Variants in SUGP1 observed in about 807,000 individuals in gnomAD.
SUGP1 encodes SURP and G-patch domain-containing protein 1.
In SUGP1, 34 loss-of-function variants were observed where a neutral mutation model predicts 76.5. The ratio of observed to expected loss-of-function variants is 0.44; its 90% CI spans 0.34 to 0.59. The LOEUF (loss-of-function observed/expected upper bound fraction) is 0.59. Ranked by LOEUF, SUGP1 falls within the 20% of genes least tolerant of loss-of-function variation. The pLI is 0.01. For synonymous variants in SUGP1, 326 were observed against 326.2 expected (o/e 1.00, Z 0.01); for missense variants, 752 against 851.7 (o/e 0.88, Z 1.46).
chr19:19,290,656 C>CA (rs1355247286), intron 8 of SUGP1, among the ~76,000 whole-genome samples: 2 of 150,952 alleles, frequency 1.3e-5, no homozygotes, highest in East Asian at 1.9e-4. Context: ...AGGGAAAAAA[C>CA]AAAAAACAAA....
chr19:19,279,541 T>C, intron 9 of SUGP1, 151 bp from the exon 10 acceptor site: 2 of 799,176 alleles, frequency 2.5e-6, no homozygotes, highest in Non-Finnish European at 3.9e-6. Context: ...CTCTAGCAAG[T>C]ACTGAGTACT....
intron 4 of SUGP1, among the ~76,000 whole-genome samples, chr19:19,305,220 C>T (rs1414163438): frequency 6.6e-6 from 1 of 152,186 alleles, no homozygotes; most frequent in East Asian, 1.9e-4. Flanking sequence ...GTGATGTGAC[C>T]TCACCGGCTA....
chr19:19,276,523 G>T lies in SUGP1; in HGVS notation c.*125C>A. On this transcript the variant is annotated 3_prime_UTR_variant, in exon 14 of 14. Transcript: ENST00000247001. ...AGGACCAGGCATCTGTGGTGGATGA[G>T]CACTGGGACTTTATTACACGGCACG... is the stretch of plus-strand genomic sequence containing the variant. 8.6e-7 allele frequency: 1 copy of T among 1,160,282 alleles called. No homozygotes were observed. The highest frequency in any genetic ancestry group is 1.3e-6 in the Non-Finnish European group (1 of 790,280). 71.9% of individuals were successfully genotyped at this position (1,160,282 alleles called of 1,614,324 possible).
chr19:19,287,562 G>A (rs981034336), intron 8 of SUGP1, among the ~76,000 whole-genome samples: 1 of 151,760 alleles, frequency 6.6e-6, no homozygotes, highest in Non-Finnish European at 1.5e-5. Flanking sequence ...ACTCCAAATC[G>A]AAAAATAATT....
chr19:19,309,946 T>C (rs2061342312), intron 3 of SUGP1, 151 bp downstream of exon 3: 1 of 476,436 alleles, frequency 2.1e-6, no homozygotes, highest in African/African-American at 1.9e-5. Flanking sequence ...TTTATTTATT[T>C]ATGCCTTTGG....
At chr19:19,316,324 T>G (rs1599874266) in intron 2 of SUGP1, 98 bp downstream of exon 2, 5 of 1,446,012 alleles carry the variant, frequency 3.5e-6, no homozygotes, top group Non-Finnish European at 9.4e-7. Context: ...TATGGCTGGG[T>G]GCAAGCACAT....
chr19:19,298,711 G>A (rs537188965), intron 7 of SUGP1, among the ~76,000 whole-genome samples: 3 of 152,322 alleles, frequency 2.0e-5, no homozygotes, highest in Non-Finnish European at 4.4e-5. Context: ...AGCAACAACT[G>A]TTCAGGAGAG....
At chr19:19,307,717 G>A (rs2061327398) in intron 3 of SUGP1, among the ~76,000 whole-genome samples, 1 of 151,160 alleles carries the variant, frequency 6.6e-6, no homozygotes, top group African/African-American at 2.4e-5. Context: ...GGAGTGCAGT[G>A]GCGTGAGCTC....
At chr19:19,278,564 G>T in intron 11 of SUGP1, 126 bp downstream of exon 11, 1 of 777,372 alleles carries the variant, frequency 1.3e-6, no homozygotes, top group Non-Finnish European at 2.1e-6. Flanking sequence ...CTCCTGCAGC[G>T]AAAAGGCCTG....
At chr19:19,304,125 T>C (rs2061296363) in intron 4 of SUGP1, 6 of 1,113,818 alleles carry the variant, frequency 5.4e-6, no homozygotes, top group Non-Finnish European at 7.5e-6. Context: ...TCCCCTGGTT[T>C]TGGTGGGGGA....
chr19:19,291,267 G>A (rs1337236659), intron 8 of SUGP1, among the ~76,000 whole-genome samples: 2 of 152,054 alleles, frequency 1.3e-5, no homozygotes. Flanking sequence ...AAGAAAATGA[G>A]GACTATAAAT....
At chr19:19,281,598 T>C (rs1434799850) in intron 8 of SUGP1, 1 of 152,030 alleles carries the variant, frequency 6.6e-6, no homozygotes, top group Non-Finnish European at 1.5e-5. Context: ...GCTGTCGCCT[T>C]CCCTTTTGGG....
At chr19:19,282,010 T>C (rs2146593257) in intron 8 of SUGP1, among the ~76,000 whole-genome samples, 1 of 152,298 alleles carries the variant, frequency 6.6e-6, no homozygotes, top group South Asian at 2.1e-4. Flanking sequence ...GATGGAGTCT[T>C]GCTCTGTCGC....
chr19:19,278,916 G>A, intron 10 of SUGP1, 120 bp from the exon 11 acceptor site: 1 of 1,053,950 alleles, frequency 9.5e-7, no homozygotes, highest in South Asian at 1.4e-5. Context: ...AGGGAAGGAG[G>A]CGGCTAGGCC....
Position 19,320,478 on chromosome 19 carries a change from T to C in SUGP1, c.19A>G (p.Asn7Asp), listed in dbSNP as rs753871140. Residue 7 changes from asparagine (N) to aspartate (D), a missense_variant, in exon 1 of 14, where the codon AAC becomes GAC. By Grantham distance (23) the Asn-to-Asp change is conservative. Around this residue, in one of 2 missense-constraint regions of SUGP1, gnomAD observed 620 missense variants for 617.3 expected, o/e 1.00. Coordinates refer to ENST00000247001, the MANE Select transcript of SUGP1 (RefSeq NM_172231.4). ...GGGCTGTTACCTGCAACATCCCGGT[T>C]GTCCATCTTGAGACTCATCCAATCC... MSLKMD[N>D]RDVAGKANRW... The C allele has an allele frequency of 1.2e-6, 2 of 1,610,110 alleles. No individual in the cohort carries two copies. The highest frequency in any genetic ancestry group is 1.1e-5 in the South Asian group (1 of 89,734).
chr19:19,306,030 G>A lies in SUGP1; in HGVS notation c.357C>T (p.Pro119=), dbSNP rs1266210197. Residue 119 remains proline, a synonymous_variant, in exon 4 of 14, where the codon CCC becomes CCT. Transcript: ENST00000247001. Reference sequence around the variant, plus strand: ...TGAGCAGGGACCTCTTCCCAGCGCTGGGGGTGGGTGTGCTGGGAGGGGCGC... The same window carrying A: ...TGAGCAGGGACCTCTTCCCAGCGCTAGGGGTGGGTGTGCTGGGAGGGGCGC... ...APSAPPSTPT[P]SAGKRSLLIS... is the part of the protein sequence containing the mutation. 3 of 1,610,634 alleles carry A rather than the reference G, an allele frequency of 1.9e-6. No individual in the cohort carries two copies. In the South Asian group the frequency reaches 3.3e-5, roughly 18 times the overall value.
chr19:19,284,210 G>A (rs1004642562), intron 8 of SUGP1, among the ~76,000 whole-genome samples: 1 of 152,130 alleles, frequency 6.6e-6, no homozygotes, highest in East Asian at 1.9e-4. Context: ...CAGGAGAATC[G>A]CTTGAACCCC....
intron 8 of SUGP1, among the ~76,000 whole-genome samples, chr19:19,295,388 A>G (rs1346357564): frequency 6.6e-6 from 1 of 151,894 alleles, no homozygotes; most frequent in Non-Finnish European, 1.5e-5. Flanking sequence ...GCGGATCATG[A>G]GGTCAGGAGA....
intron 2 of SUGP1, among the ~76,000 whole-genome samples, chr19:19,310,928 CCA>C (rs2061348453): frequency 6.6e-6 from 1 of 152,126 alleles, no homozygotes; most frequent in Non-Finnish European, 1.5e-5. Context: ...CAGGTGTGAG[CCA>C]CCACACCTGA....
Sources: gnomAD v4.1 joint callset for allele counts (sites outside exome capture counted in the v4.1 genomes callset) on GRCh38, gnomAD v4.1.1 for gene constraint, gnomAD v4.1.1 regional missense constraint, MANE v1.5 for transcripts, NCBI Gene and HGNC (gene_info 2026-07-23, HGNC 2026-07-21) for gene names.